The following SLC12A5 variants were observed in gnomAD, a reference collection of about 807,000 sequenced individuals.
SLC12A5 encodes the protein K-Cl cotransporter 2.
Under a neutral mutation model 124.0 loss-of-function variants are expected in SLC12A5, and 18 were observed. That is an observed-to-expected ratio of 0.15 (90% CI 0.10 to 0.22). The LOEUF (loss-of-function observed/expected upper bound fraction) is 0.22, where lower values mean the gene tolerates loss of function less well. Ranked by LOEUF, SLC12A5 falls within the 10% of genes least tolerant of loss-of-function variation. SLC12A5 has a pLI of 1.00. For missense variants in SLC12A5, 867 were observed against 1,478.7 expected (o/e 0.59, Z 6.78); for synonymous variants, 589 against 568.0 (o/e 1.04, Z -0.53).
chr20:46,052,686 C>T (rs924561442), intron 18 of SLC12A5, among the ~76,000 whole-genome samples: 1 of 152,198 alleles, frequency 6.6e-6, no homozygotes, highest in Non-Finnish European at 1.5e-5. Context: ...ATGATGGGCT[C>T]TTAGTAATCA....
chr20:46,047,873 C>A, intron 15 of SLC12A5, 108 bp from the exon 16 acceptor site: 1 of 1,097,340 alleles, frequency 9.1e-7, no homozygotes, highest in Non-Finnish European at 1.3e-6. Context: ...CATGTCCTTT[C>A]TGAGCCTGAG....
At position 46,029,408 on chromosome 20, in the gene SLC12A5, T is replaced by G. The variant is rs1310069443; in HGVS notation, c.52+12T>G. On this transcript the variant is annotated intron_variant, in intron 1 of 25. Transcript: ENST00000243964. ...GGGAGCCAACCCGGGTAAGCTGTGG[T>G]CCGGGGGCGGCGGGGGAGGGGGCAG... The G allele has an allele frequency of 6.5e-7, 1 of 1,532,592 alleles. No individual in the cohort carries two copies. Among genetic ancestry groups the G allele is most frequent in the Non-Finnish European group, 8.8e-7 (1 of 1,136,442 alleles). 94.9% of individuals were successfully genotyped at this position (1,532,592 alleles called of 1,614,324 possible).
intron 6 of SLC12A5, among the ~76,000 whole-genome samples, chr20:46,039,591 AC>A (rs1825533320): frequency 6.6e-6 from 1 of 152,106 alleles, no homozygotes; most frequent in African/African-American, 2.4e-5. Flanking sequence ...CCTGACTGAT[AC>A]GGTGAAACCC....
rs1244479381 is a variant in SLC12A5 at position 46,056,526 on chromosome 20, C to G, written c.3072C>G (p.Val1024=). ...AGAAGAATAAGGGCCCCAGTCCTGTCTCCTCTGAGGGCATCAAGGACTTCT... is the reference window on the plus strand; with the variant it reads ...AGAAGAATAAGGGCCCCAGTCCTGTGTCCTCTGAGGGCATCAAGGACTTCT... The part of the protein sequence containing the change: ...VAEKNKGPSP[V]SSEGIKDFFS... The change falls in exon 23 of 26, where the codon GTC becomes GTG. Residue 1024 remains valine (V), a synonymous_variant. Coordinates refer to ENST00000243964, the MANE Select transcript of SLC12A5 (RefSeq NM_020708.5). The surrounding 1 kb of genome is among the most constrained non-coding windows in gnomAD (Gnocchi z 4.3). 2 of 1,614,052 alleles carry G rather than the reference C, an allele frequency of 1.2e-6. No individual in the cohort carries two copies. Among genetic ancestry groups the G allele is most frequent in the African/African-American group, 2.7e-5 (2 of 74,946 alleles).
intron 1 of SLC12A5, among the ~76,000 whole-genome samples, chr20:46,029,879 T>G (rs1411756116): frequency 1.9e-5 from 1 of 52,738 alleles, no homozygotes; most frequent in Admixed American, 1.4e-4. Context: ...TGTGTGTGTG[T>G]GTGTGTGTGT....
In SLC12A5 at chr20:46,041,536, C is replaced by G; in HGVS notation, c.1062C>G (p.Ile354Met). 6.2e-7 allele frequency: 1 copy of G among 1,613,744 alleles called. No individual in the cohort carries two copies. The highest frequency in any genetic ancestry group is 1.1e-5 in the South Asian group (1 of 91,020). The change falls in exon 8 of 26, where the codon ATC becomes ATG. Residue 354 changes from isoleucine (I) to methionine (M), a missense_variant. By Grantham distance (10) the Ile-to-Met change is conservative. Transcript: ENST00000243964. ...QGIPGAASGLIKENLWSSYLT... is the reference protein window; with the variant it reads ...QGIPGAASGLMKENLWSSYLT... The stretch of plus-strand genomic sequence containing the variant: ...TCCCTGGTGCTGCCAGTGGCCTCAT[C>G]AAAGGTCTGCGGAGGGACAAGGGCT...
chr20:46,052,296 C>A (rs1235647004), intron 18 of SLC12A5, among the ~76,000 whole-genome samples: 1 of 152,258 alleles, frequency 6.6e-6, no homozygotes, highest in African/African-American at 2.4e-5. Flanking sequence ...AGAATGAGTT[C>A]TGTGTGCCAG....
At chr20:46,041,113 G>A (rs1175929596) in intron 7 of SLC12A5, 1 of 516,952 alleles carries the variant, frequency 1.9e-6, no homozygotes, top group East Asian at 3.6e-5. Flanking sequence ...TTGCACTAAT[G>A]CGGTGCTTCT....
intron 11 of SLC12A5, 115 bp from the exon 12 acceptor site, chr20:46,044,851 T>C (rs2084579565): frequency 8.5e-7 from 1 of 1,171,652 alleles, no homozygotes; most frequent in Admixed American, 1.9e-5. Context: ...CTGTCACCCT[T>C]ACAGAACTTA....
At chr20:46,029,533 C>A in intron 1 of SLC12A5, 137 bp downstream of exon 1, 1 of 942,758 alleles carries the variant, frequency 1.1e-6, no homozygotes, top group East Asian at 2.8e-5. Context: ...CAGTTGCAGC[C>A]TGGAGCTCAG....
intron 1 of SLC12A5, among the ~76,000 whole-genome samples, chr20:46,030,790 C>T (rs2084442437): frequency 6.6e-6 from 1 of 151,986 alleles, no homozygotes; most frequent in Non-Finnish European, 1.5e-5. Flanking sequence ...GTCCCTGATC[C>T]TTTGTCTGAC....
chr20:46,039,305 A>T (rs945980611), intron 6 of SLC12A5, among the ~76,000 whole-genome samples: 1 of 152,242 alleles, frequency 6.6e-6, no homozygotes, highest in Non-Finnish European at 1.5e-5. Flanking sequence ...TTCAGGGAAA[A>T]CTACTGACAA....
At chr20:46,052,683 G>A (rs1445381573) in intron 18 of SLC12A5, among the ~76,000 whole-genome samples, 3 of 152,188 alleles carry the variant, frequency 2.0e-5, no homozygotes, top group Non-Finnish European at 4.4e-5. Context: ...TACATGATGG[G>A]CTCTTAGTAA....
chr20:46,034,445 T>C lies in SLC12A5; in HGVS notation c.53-503T>C, dbSNP rs190173528. Among the ~76,000 whole-genome samples the C allele has an allele frequency of 3.3e-5, 5 of 152,326 alleles. No homozygotes were observed. In the East Asian group the frequency reaches 9.6e-4, roughly 29 times the overall value. On this transcript the variant is annotated intron_variant, in intron 1 of 25. Transcript: ENST00000243964. ...GGATGATGTCTTCTGTGTCTTACCC[T>C]GCTTCCCCCATGCCTGTATTGGCAC...
chr20:46,028,676 C>T (rs1330245052), upstream of SLC12A5, among the ~76,000 whole-genome samples: 2 of 152,182 alleles, frequency 1.3e-5, no homozygotes, highest in African/African-American at 4.8e-5. Context: ...GAAAGAGGGT[C>T]TGGTTCTCCT....
intron 16 of SLC12A5, 68 bp from the exon 17 acceptor site, chr20:46,049,554 G>A (rs2145499337): frequency 1.3e-6 from 2 of 1,538,694 alleles, no homozygotes; most frequent in South Asian, 1.2e-5. Context: ...TGACCTGGTG[G>A]TGGGTGTATG....
chr20:46,047,860 A>C, intron 15 of SLC12A5, 121 bp from the exon 16 acceptor site: 2 of 977,796 alleles, frequency 2.0e-6, no homozygotes, highest in South Asian at 3.3e-5. Context: ...CAGGAGTGAT[A>C]CACATGTCCT....
At chr20:46,041,112 T>C in intron 7 of SLC12A5, 4 of 506,726 alleles carry the variant, frequency 7.9e-6, no homozygotes, top group South Asian at 6.3e-5. Context: ...ATTGCACTAA[T>C]GCGGTGCTTC....
At position 46,037,305 on chromosome 20, in the gene SLC12A5, G is replaced by T. The variant is rs917519292; in HGVS notation, c.532G>T (p.Gly178Cys). 1 of 1,612,822 alleles carries T rather than the reference G, an allele frequency of 6.2e-7. No individual in the cohort carries two copies. Among genetic ancestry groups the T allele is most frequent in the Non-Finnish European group, 8.5e-7 (1 of 1,179,234 alleles). Residue 178 changes from glycine (G) to cysteine (C), a missense_variant, in exon 6 of 26, where the codon GGT becomes TGT. Gly to Cys is a radical substitution (Grantham distance 159, BLOSUM62 -3). Around this residue, in one of 9 missense-constraint regions of SLC12A5, gnomAD observed 126 missense variants for 291.6 expected, o/e 0.43. Transcript: ENST00000243964. ...ISRSLGPEFGGAVGLCFYLGT... is the reference protein window; with the variant it reads ...ISRSLGPEFGCAVGLCFYLGT... Reference sequence around the variant, plus strand: ...CAGGTCTCTGGGCCCAGAGTTTGGGGGTGCCGTGGGCCTCTGCTTCTACCT... The same window carrying T: ...CAGGTCTCTGGGCCCAGAGTTTGGGTGTGCCGTGGGCCTCTGCTTCTACCT...
Sources: allele counts gnomAD v4.1 joint callset (sites outside exome capture counted in the v4.1 genomes callset), GRCh38; gene constraint gnomAD v4.1.1; regional missense constraint gnomAD v4.1.1; non-coding constraint Gnocchi (gnomAD v3.1); transcripts MANE v1.5; gene names NCBI Gene and HGNC (gene_info 2026-07-23, HGNC 2026-07-21).